ARAP2: variants seen among roughly 807,000 people sequenced by gnomAD.
ARAP2 encodes the protein ArfGAP with RhoGAP domain, ankyrin repeat and PH domain 2.
ARAP2 carries 148 observed loss-of-function variants against 194.5 expected under a neutral mutation model. The ratio of observed to expected loss-of-function variants is 0.76; its 90% CI spans 0.67 to 0.87. The LOEUF (loss-of-function observed/expected upper bound fraction) is 0.87, where lower values mean the gene tolerates loss of function less well. ARAP2 is among the 40% of genes least tolerant of loss of function. The pLI, the probability that ARAP2 is intolerant of heterozygous loss-of-function variation, is 0.00. For missense variants in ARAP2, 2,128 were observed against 1,989.7 expected (o/e 1.07, Z -1.32); for synonymous variants, 695 against 683.5 (o/e 1.02, Z -0.26).
chr4:36,108,753 T>C (rs777163130), intron 26 of ARAP2, among the ~76,000 whole-genome samples: 1 of 151,966 alleles, frequency 6.6e-6, no homozygotes, highest in Non-Finnish European at 1.5e-5. Flanking sequence ...TGTCAATCAG[T>C]TAATAAAATG....
At chr4:36,104,201 C>CT (rs1717775672) in intron 27 of ARAP2, among the ~76,000 whole-genome samples, 1 of 133,728 alleles carries the variant, frequency 7.5e-6, no homozygotes. Flanking sequence ...TGCTCCCCCA[C>CT]CTTTTTTTCA....
chr4:36,069,070 C>T (rs1319986008), intron 32 of ARAP2, among the ~76,000 whole-genome samples: 3 of 151,944 alleles, frequency 2.0e-5, no homozygotes, highest in Admixed American at 1.3e-4. Flanking sequence ...GAAGTGTGAG[C>T]CTTGTACACA....
At chr4:36,121,099 A>T in intron 23 of ARAP2, 80 bp downstream of exon 23, 1 of 1,052,024 alleles carries the variant, frequency 9.5e-7, no homozygotes. Context: ...TCTGAATAAT[A>T]ACACCCTACA....
rs758152417 is a variant in ARAP2 at position 36,159,480 on chromosome 4, G to T, written c.2468C>A (p.Pro823Gln). The T allele has an allele frequency of 5.0e-5, 79 of 1,583,712 alleles. 1 individual carries two copies. In the South Asian group the frequency reaches 9.0e-4, roughly 18 times the overall value. The change falls in exon 14 of 33, where the codon CCG (proline) becomes CAG (glutamine). Residue 823 changes from proline to glutamine, a missense_variant. Physicochemically the swap from Pro to Gln is moderately conservative, Grantham distance 76 (BLOSUM62 -1). Transcript: ENST00000303965. ...CAAAGCCATTGTTTCTAGAACATCCGGTTTCACTACAGCAGCACATAGAGC... is the reference window on the plus strand; with the variant it reads ...CAAAGCCATTGTTTCTAGAACATCCTGTTTCACTACAGCAGCACATAGAGC... ...NKALCAAVVK[P>Q]DVLETMALLF...
rs1308407348 is a variant in ARAP2, at chr4:36,150,855, T to C, written c.2897+45A>G. The C allele has an allele frequency of 1.9e-6, 3 of 1,573,048 alleles. No individual in the cohort carries two copies. The African/African-American group carries it at 4.1e-5, about 22-fold the overall frequency. ...AAACTCTCATTACCTGTTATAATTA[T>C]CTGAAAATACCTTTTACCTCCTAAT... On this transcript the variant is annotated intron_variant, in intron 16 of 32. Transcript: ENST00000303965.
chr4:36,168,114 C>T (rs752651796), intron 9 of ARAP2, among the ~76,000 whole-genome samples: 6 of 152,018 alleles, frequency 3.9e-5, no homozygotes, highest in South Asian at 2.1e-4. Flanking sequence ...CTGCTATATA[C>T]GCCAAAAGTA....
intron 21 of ARAP2, 54 bp downstream of exon 21, chr4:36,128,479 C>T (rs73806495): frequency 6.1e-6 from 7 of 1,144,738 alleles, no homozygotes; most frequent in Admixed American, 2.0e-5. Context: ...CTATATTATA[C>T]ACACACACAC....
chr4:36,033,906 T>C (rs1276149947), intron 5 of ARAP2, among the ~76,000 whole-genome samples: 1 of 152,196 alleles, frequency 6.6e-6, no homozygotes, highest in African/African-American at 2.4e-5. Flanking sequence ...GAATAGGGAC[T>C]CCTTTTCCCA....
intron 27 of ARAP2, among the ~76,000 whole-genome samples, chr4:36,103,600 T>G (rs1288177418): frequency 6.6e-6 from 1 of 151,800 alleles, no homozygotes; most frequent in Non-Finnish European, 1.5e-5. Flanking sequence ...CTATTACCTT[T>G]GTTTTCAAAT....
intron 2 of ARAP2, among the ~76,000 whole-genome samples, chr4:36,219,938 A>G (rs1261007590): frequency 6.6e-6 from 1 of 152,176 alleles, no homozygotes; most frequent in East Asian, 1.9e-4. Flanking sequence ...AGATCACAAA[A>G]TGGGCAAAGC....
At chr4:36,121,467 T>C (rs761767920) in intron 22 of ARAP2, 141 bp from the exon 23 acceptor site, 11 of 664,124 alleles carry the variant, frequency 1.7e-5, no homozygotes, top group South Asian at 3.1e-5. Flanking sequence ...TAAAAGCATA[T>C]GGTTCTTTCT....
At chr4:36,223,005 C>G (rs1349698935) in intron 2 of ARAP2, among the ~76,000 whole-genome samples, 1 of 151,940 alleles carries the variant, frequency 6.6e-6, no homozygotes, top group Non-Finnish European at 1.5e-5. Context: ...TTCCCTTCCC[C>G]TCAGTGCTTT....
chr4:36,203,142 A>G (rs1744773616), intron 6 of ARAP2, among the ~76,000 whole-genome samples: 1 of 152,178 alleles, frequency 6.6e-6, no homozygotes, highest in African/African-American at 2.4e-5. Context: ...TCAACATAAT[A>G]GTCTAGTTTT....
intron 12 of ARAP2, 78 bp downstream of exon 12, chr4:36,161,387 A>T: frequency 8.1e-7 from 1 of 1,235,438 alleles, no homozygotes; most frequent in Non-Finnish European, 1.2e-6. Flanking sequence ...CCTGCCACCC[A>T]AACCCACAGC....
At chr4:36,097,478 G>A (rs923136106) in intron 27 of ARAP2, among the ~76,000 whole-genome samples, 4 of 152,004 alleles carry the variant, frequency 2.6e-5, no homozygotes, top group Non-Finnish European at 5.9e-5. Flanking sequence ...ACAAAATGAA[G>A]GTCATGAATT....
chr4:36,009,847 T>A (rs1298845475), intron 9 of ARAP2, among the ~76,000 whole-genome samples: 2 of 136,470 alleles, frequency 1.5e-5, no homozygotes. Context: ...CTCTCTCTTG[T>A]TGAAGTAAAA....
intron 22 of ARAP2, among the ~76,000 whole-genome samples, chr4:36,122,807 G>A (rs1218928863): frequency 6.6e-6 from 1 of 151,560 alleles, no homozygotes; most frequent in East Asian, 1.9e-4. Flanking sequence ...CCTAAGAAAG[G>A]GAAAGTTACA....
intron 12 of ARAP2, among the ~76,000 whole-genome samples, chr4:36,161,245 T>C (rs1042867258): frequency 1.3e-5 from 2 of 151,980 alleles, no homozygotes; most frequent in African/African-American, 4.8e-5. Context: ...AAGTACTTAT[T>C]AAGGATCTTC....
At chr4:36,220,945 C>A (rs1164891027) in intron 2 of ARAP2, among the ~76,000 whole-genome samples, 2 of 151,966 alleles carry the variant, frequency 1.3e-5, no homozygotes, top group Non-Finnish European at 2.9e-5. Flanking sequence ...GGGTCTATAA[C>A]GTCTACAGTG....
Sources: allele counts gnomAD v4.1 joint callset (sites outside exome capture counted in the v4.1 genomes callset), GRCh38; gene constraint gnomAD v4.1.1; transcripts MANE v1.5; gene names NCBI Gene and HGNC (gene_info 2026-07-23, HGNC 2026-07-21).